The following CNIH3 variants were observed in gnomAD, a reference collection of about 807,000 sequenced individuals.
The protein encoded by CNIH3 is protein cornichon homolog 3.
CNIH3 carries 14 observed loss-of-function variants against 24.1 expected under a neutral mutation model. That is an observed-to-expected ratio of 0.58 (90% CI 0.38 to 0.91). The LOEUF (loss-of-function observed/expected upper bound fraction) is 0.91. Among genes scored for constraint, CNIH3 ranks in the 40% least tolerant of loss-of-function variants. The pLI, the probability that CNIH3 is intolerant of heterozygous loss-of-function variation, is 0.00. For synonymous variants in CNIH3, 68 were observed against 73.8 expected, an observed-to-expected ratio of 0.92 and a Z score of 0.40; for missense variants, 178 against 196.8, an observed-to-expected ratio of 0.90 and a Z score of 0.57.
intron 1 of CNIH3, among the ~76,000 whole-genome samples, chr1:224,617,564 T>G (rs1281745883): frequency 6.6e-6 from 1 of 152,100 alleles, no homozygotes; most frequent in African/African-American, 2.4e-5. Flanking sequence ...TCCCGCCCCG[T>G]CCTCTCCTGC....
At chr1:224,527,245 C>A (rs927797580) in intron 2 of CNIH3, among the ~76,000 whole-genome samples, 2 of 152,172 alleles carry the variant, frequency 1.3e-5, no homozygotes, top group Non-Finnish European at 2.9e-5. Flanking sequence ...AGGGAGGCAT[C>A]ACAGGGGCTC....
At chr1:224,435,323 G>C in intron 1 of CNIH3, 1 of 633,374 alleles carries the variant, frequency 1.6e-6, no homozygotes. Context: ...GGAAAAACTT[G>C]AATTTCCACA....
chr1:224,597,680 T>C (rs745751283), intron 3 of CNIH3, among the ~76,000 whole-genome samples: 18 of 152,180 alleles, frequency 1.2e-4, no homozygotes, highest in Non-Finnish European at 2.1e-4. Context: ...CCCCCATACC[T>C]TCCCTGTGCA....
intron 3 of CNIH3, among the ~76,000 whole-genome samples, chr1:224,722,602 C>T (rs944853360): frequency 6.6e-5 from 10 of 152,110 alleles, no homozygotes; most frequent in South Asian, 4.1e-4. Context: ...CAGTGGCTTA[C>T]GTGGGACCTT....
intron 4 of CNIH3, among the ~76,000 whole-genome samples, chr1:224,570,979 A>G (rs993368883): frequency 1.4e-4 from 21 of 151,922 alleles, no homozygotes; most frequent in African/African-American, 4.3e-4. Context: ...GAGCAATGGC[A>G]GCTTTGTCAT....
At chr1:224,631,210 G>A (rs1462696079) in intron 1 of CNIH3, among the ~76,000 whole-genome samples, 2 of 152,090 alleles carry the variant, frequency 1.3e-5, no homozygotes, top group Non-Finnish European at 2.9e-5. Flanking sequence ...TCAGGACATG[G>A]GGATGACAGA....
chr1:224,612,424 C>T (rs1020561772), upstream of CNIH3, among the ~76,000 whole-genome samples: 2 of 151,888 alleles, frequency 1.3e-5, no homozygotes, highest in African/African-American at 2.4e-5. This position sits in a 1 kb window ranked among gnomAD's most constrained non-coding sequence, Gnocchi z 4.7. Flanking sequence ...TACTCTGTGG[C>T]GCTAGGGGCA....
chr1:224,671,493 C>T (rs549648028), intron 1 of CNIH3, among the ~76,000 whole-genome samples: 9 of 152,322 alleles, frequency 5.9e-5, no homozygotes, highest in African/African-American at 2.2e-4. Flanking sequence ...GGTGAGACTG[C>T]ATGGCCCAAT....
At chr1:224,485,004 CT>C (rs1318855806) in intron 1 of CNIH3, among the ~76,000 whole-genome samples, 2 of 152,208 alleles carry the variant, frequency 1.3e-5, no homozygotes, top group Admixed American at 6.5e-5. Flanking sequence ...TTTCCTGTTT[CT>C]TGGTATCTAT....
At chr1:224,689,529 GTTTTGAATGGGCTTC>G (rs1253783166) in intron 3 of CNIH3, among the ~76,000 whole-genome samples, 3 of 152,184 alleles carry the variant, frequency 2.0e-5, no homozygotes, top group Admixed American at 2.0e-4. Flanking sequence ...CGTCTCTCTC[GTTTTGAATGGGCTTC>G]TGAGTTCCGA....
chr1:224,621,600 A>G (rs1243217499), intron 1 of CNIH3, among the ~76,000 whole-genome samples: 1 of 151,972 alleles, frequency 6.6e-6, no homozygotes, highest in Non-Finnish European at 1.5e-5. Context: ...TCCCCCTTTT[A>G]TCTCCTCCCT....
intron 1 of CNIH3, among the ~76,000 whole-genome samples, chr1:224,674,150 G>T (rs1183345852): frequency 1.3e-5 from 2 of 152,016 alleles, no homozygotes; most frequent in African/African-American, 4.8e-5. Flanking sequence ...GCAAATGCAG[G>T]GAAGAGAAAG....
intron 1 of CNIH3, among the ~76,000 whole-genome samples, chr1:224,643,298 A>G (rs890791138): frequency 5.9e-5 from 9 of 152,234 alleles, no homozygotes; most frequent in Non-Finnish European, 1.0e-4. Context: ...ACACTCCAGT[A>G]CGGTGGTTTC....
At chr1:224,680,903 C>T in intron 1 of CNIH3, 55 bp from the exon 2 acceptor site, 1 of 1,314,202 alleles carries the variant, frequency 7.6e-7, no homozygotes, top group Non-Finnish European at 1.1e-6. Context: ...AAGCTTTGGA[C>T]ATGGTGTGTT....
downstream of CNIH3, chr1:224,588,625 T>G (rs1026714209): frequency 1.3e-5 from 2 of 152,138 alleles, no homozygotes; most frequent in Admixed American, 6.5e-5. Context: ...AACAAGCATT[T>G]AAACTCCCAT....
At chr1:224,653,960 A>G (rs894751036) in intron 1 of CNIH3, among the ~76,000 whole-genome samples, 1 of 152,124 alleles carries the variant, frequency 6.6e-6, no homozygotes, top group African/African-American at 2.4e-5. Context: ...ATGCACTACC[A>G]CACCCAGCTA....
At chr1:224,697,037 T>C (rs1468573039) in intron 3 of CNIH3, among the ~76,000 whole-genome samples, 1 of 152,210 alleles carries the variant, frequency 6.6e-6, no homozygotes, top group Non-Finnish European at 1.5e-5. Flanking sequence ...CTGCAAAGTT[T>C]AGTCAACACG....
chr1:224,730,711 C>T, intron 4 of CNIH3, 137 bp downstream of exon 4: 1 of 607,722 alleles, frequency 1.6e-6, no homozygotes, highest in Non-Finnish European at 2.9e-6. Flanking sequence ...CTCTTTAAAG[C>T]CTGTTCCCAA....
At chr1:224,692,286 A>G (rs1282214337) in intron 3 of CNIH3, among the ~76,000 whole-genome samples, 1 of 152,222 alleles carries the variant, frequency 6.6e-6, no homozygotes, top group Non-Finnish European at 1.5e-5. Context: ...ATCCTGGGAC[A>G]GTGTAAGACC....
Sources: allele counts gnomAD v4.1 joint callset (sites outside exome capture counted in the v4.1 genomes callset), GRCh38; gene constraint gnomAD v4.1.1; non-coding constraint Gnocchi (gnomAD v3.1); transcripts MANE v1.5; gene names NCBI Gene and HGNC (gene_info 2026-07-23, HGNC 2026-07-21).